Variants in COLGALT2 observed in about 807,000 individuals in gnomAD.
The protein encoded by COLGALT2 is collagen beta(1-O)galactosyltransferase 2, also known as procollagen galactosyltransferase 2.
In COLGALT2, 49 loss-of-function variants were observed where a neutral mutation model predicts 73.4. The observed-to-expected ratio is 0.67, with a 90% CI of 0.53 to 0.85. The LOEUF (loss-of-function observed/expected upper bound fraction) is 0.85, where lower values mean the gene tolerates loss of function less well. COLGALT2 is among the 40% of genes least tolerant of loss of function. The pLI is 0.00. For missense variants in COLGALT2, 722 were observed against 790.2 expected (o/e 0.91, Z 1.03); for synonymous variants, 295 against 307.6 (o/e 0.96, Z 0.43).
At chr1:183,945,844 C>CCTG in intron 8 of COLGALT2, 1 of 415,888 alleles carries the variant, frequency 2.4e-6, no homozygotes, top group Non-Finnish European at 4.3e-6. Context: ...AAGTACACTC[C>CCTG]TATGGAAATT....
intron 1 of COLGALT2, among the ~76,000 whole-genome samples, chr1:183,979,184 A>G (rs1158490065): frequency 6.6e-6 from 1 of 152,194 alleles, no homozygotes; most frequent in East Asian, 1.9e-4. Flanking sequence ...AGTTTAACAA[A>G]TGGATCCACT....
At chr1:183,958,221 T>G (rs1293495164) in intron 6 of COLGALT2, among the ~76,000 whole-genome samples, 1 of 152,136 alleles carries the variant, frequency 6.6e-6, no homozygotes, top group East Asian at 1.9e-4. Context: ...CTCAAATTCT[T>G]CAACTCTGAT....
chr1:183,945,528 A>C lies in COLGALT2; in HGVS notation c.1173T>G (p.Ile391Met). ...LNTSQLKALN[I>M]EMLPGYRDPY... Reference sequence around the variant, plus strand: ...GATCTCGATAGCCAGGCAGCATTTCAATATTCAGTGCCTTCAGCTGGCTTG... The same window carrying C: ...GATCTCGATAGCCAGGCAGCATTTCCATATTCAGTGCCTTCAGCTGGCTTG... Residue 391 changes from isoleucine to methionine, a missense_variant, in exon 9 of 12, where the codon ATT becomes ATG. Coordinates refer to ENST00000361927, the MANE Select transcript of COLGALT2 (RefSeq NM_015101.4). The C allele has an allele frequency of 6.2e-7, 1 of 1,614,192 alleles. No individual in the cohort carries two copies. The highest frequency in any genetic ancestry group is 8.5e-7 in the Non-Finnish European group (1 of 1,180,024).
intron 5 of COLGALT2, among the ~76,000 whole-genome samples, chr1:183,965,552 G>T (rs573748788): frequency 3.2e-4 from 49 of 152,290 alleles, no homozygotes; most frequent in African/African-American, 1.1e-3. Context: ...AACATGAACA[G>T]GAGAGTCAGT....
intron 1 of COLGALT2, among the ~76,000 whole-genome samples, chr1:184,000,166 T>C (rs1327458165): frequency 6.6e-6 from 1 of 152,194 alleles, no homozygotes; most frequent in African/African-American, 2.4e-5. Context: ...TGATATATTC[T>C]GAGAATGTGA....
chr1:183,954,127 G>A (rs1303484195), intron 7 of COLGALT2, among the ~76,000 whole-genome samples: 1 of 152,144 alleles, frequency 6.6e-6, no homozygotes, highest in East Asian at 1.9e-4. Flanking sequence ...TCCCTGCCAA[G>A]TATCTGTTAC....
chr1:184,034,532 T>TAA (rs61709504), intron 1 of COLGALT2, among the ~76,000 whole-genome samples: 2 of 151,774 alleles, frequency 1.3e-5, no homozygotes, highest in Non-Finnish European at 2.9e-5. Context: ...TATTTATCTG[T>TAA]AAAAAAACAC....
At chr1:183,932,060 C>G (rs1413431566), downstream of COLGALT2, among the ~76,000 whole-genome samples, 3 of 152,098 alleles carry the variant, frequency 2.0e-5, no homozygotes, top group Non-Finnish European at 4.4e-5. Context: ...ACAGGGGAGA[C>G]AGACATGGGT....
chr1:183,942,706 G>A (rs368786028), intron 10 of COLGALT2, among the ~76,000 whole-genome samples: 265 of 152,254 alleles, frequency 1.7e-3, no homozygotes, highest in Middle Eastern at 3.4e-3. Flanking sequence ...ATTTAAAACT[G>A]TTACAGTTCT....
chr1:184,002,777 C>T (rs1334416701), intron 1 of COLGALT2, among the ~76,000 whole-genome samples: 1 of 152,180 alleles, frequency 6.6e-6, no homozygotes, highest in Admixed American at 6.5e-5. Context: ...TTTCATCACT[C>T]TCAGCCAAAA....
chr1:183,932,544 C>T (rs1669868855), downstream of COLGALT2, among the ~76,000 whole-genome samples: 1 of 152,148 alleles, frequency 6.6e-6, no homozygotes, highest in Admixed American at 6.5e-5. Flanking sequence ...TGTGGAACGG[C>T]ACCCTGCGAA....
At chr1:183,954,721 A>C in intron 7 of COLGALT2, 41 bp downstream of exon 7, 2 of 1,451,922 alleles carry the variant, frequency 1.4e-6, no homozygotes, top group Non-Finnish European at 1.9e-6. Flanking sequence ...ACAAGCCTGC[A>C]CACGCGTGCA....
chr1:183,950,897 T>C, intron 8 of COLGALT2, 110 bp downstream of exon 8: 1 of 755,942 alleles, frequency 1.3e-6, no homozygotes, highest in South Asian at 1.8e-5. Flanking sequence ...AATAAGACTA[T>C]CCTCTAATGA....
chr1:184,000,825 A>ATTTTTTTT (rs149091262), intron 1 of COLGALT2, among the ~76,000 whole-genome samples: 2 of 113,232 alleles, frequency 1.8e-5, no homozygotes, highest in African/African-American at 7.0e-5. Context: ...TCAGCCCCCC[A>ATTTTTTTT]TTTTTTTTTT....
intron 8 of COLGALT2, 35 bp downstream of exon 8, chr1:183,950,972 A>G (rs1572633464): frequency 6.8e-7 from 1 of 1,474,288 alleles, no homozygotes; most frequent in East Asian, 2.3e-5. Context: ...CCACACTCCA[A>G]TCACATCTGC....
At chr1:184,028,568 G>T (rs941005370) in intron 1 of COLGALT2, among the ~76,000 whole-genome samples, 1 of 152,192 alleles carries the variant, frequency 6.6e-6, no homozygotes, top group Non-Finnish European at 1.5e-5. Flanking sequence ...CCTCTCTGCA[G>T]CCTGATGTAT....
chr1:183,938,190 G>C lies in COLGALT2; in HGVS notation c.*571C>G, dbSNP rs1310604627. The C allele has an allele frequency of 1.0e-6, 1 of 970,002 alleles. No individual in the cohort carries two copies. The highest frequency in any genetic ancestry group is 4.8e-5 in the South Asian group (1 of 20,640). 60.1% of individuals were successfully genotyped at this position (970,002 alleles called of 1,614,324 possible). On this transcript the variant is annotated 3_prime_UTR_variant, in exon 12 of 12. Coordinates refer to ENST00000361927, the MANE Select transcript of COLGALT2 (RefSeq NM_015101.4). ...ATACCCACCCCTACTGGATAACAGG[G>C]ACTAAGATTTTTTTTTTTTAAAAAA...
intron 1 of COLGALT2, among the ~76,000 whole-genome samples, chr1:184,036,317 C>T (rs1264348414): frequency 6.6e-6 from 1 of 152,238 alleles, no homozygotes; most frequent in Non-Finnish European, 1.5e-5. Flanking sequence ...CCCTGGCCCT[C>T]CCCGCAGCAG....
intron 1 of COLGALT2, among the ~76,000 whole-genome samples, chr1:184,031,169 T>A (rs1438025334): frequency 6.6e-6 from 1 of 152,186 alleles, no homozygotes; most frequent in Non-Finnish European, 1.5e-5. Flanking sequence ...AATCTAAGAC[T>A]ACTGATTAAA....
Sources: gnomAD v4.1 joint callset for allele counts (sites outside exome capture counted in the v4.1 genomes callset) on GRCh38, gnomAD v4.1.1 for gene constraint, MANE v1.5 for transcripts, NCBI Gene and HGNC (gene_info 2026-07-23, HGNC 2026-07-21) for gene names.